CACNA2D3: variants seen among roughly 807,000 people sequenced by gnomAD.
The protein encoded by CACNA2D3 is calcium voltage-gated channel auxiliary subunit alpha2delta 3.
CACNA2D3 carries 60 observed loss-of-function variants against 160.6 expected under a neutral mutation model. The observed-to-expected ratio is 0.37, with a 90% confidence interval of 0.30 to 0.46. The LOEUF (loss-of-function observed/expected upper bound fraction) is 0.46, where lower values mean the gene tolerates loss of function less well. Ranked by LOEUF, CACNA2D3 falls within the 20% of genes least tolerant of loss-of-function variation. The probability of loss-of-function intolerance (pLI) is 1.00; values close to 1 mark genes in which losing one functional copy is unlikely to be tolerated. For synonymous variants in CACNA2D3, 558 were observed against 492.9 expected, an observed-to-expected ratio of 1.13 and a Z score of -1.75; for missense variants, 1,205 against 1,365.0, an observed-to-expected ratio of 0.88 and a Z score of 1.85.
chr3:54,517,918 G>A (rs1275333391), intron 5 of CACNA2D3, among the ~76,000 whole-genome samples: 2 of 152,074 alleles, frequency 1.3e-5, no homozygotes, highest in Non-Finnish European at 2.9e-5. Flanking sequence ...AAGTTGCCCC[G>A]GGCATCCTAC....
At chr3:54,313,967 G>GTGAT (rs1703805443) in intron 2 of CACNA2D3, among the ~76,000 whole-genome samples, 1 of 151,538 alleles carries the variant, frequency 6.6e-6, no homozygotes, top group Non-Finnish European at 1.5e-5. Context: ...TTCTTTAGTG[G>GTGAT]TGATTTGTGA....
intron 8 of CACNA2D3, 74 bp downstream of exon 8, chr3:54,570,178 T>A (rs1702471598): frequency 2.8e-6 from 4 of 1,452,534 alleles, no homozygotes; most frequent in Admixed American, 1.8e-5. Flanking sequence ...TTAACATTGC[T>A]CTCGCTGTTA....
intron 2 of CACNA2D3, among the ~76,000 whole-genome samples, chr3:54,208,471 G>T (rs1228936379): frequency 3.3e-5 from 5 of 152,208 alleles, no homozygotes; most frequent in African/African-American, 1.2e-4. Flanking sequence ...GTTTCCAATA[G>T]CCCTGGGCTG....
chr3:54,524,261 C>G (rs1356397093), intron 5 of CACNA2D3, among the ~76,000 whole-genome samples: 1 of 152,080 alleles, frequency 6.6e-6, no homozygotes, highest in East Asian at 1.9e-4. Flanking sequence ...CTTTGATGCA[C>G]TGGTTATTTA....
At chr3:54,709,224 A>G (rs530748391) in intron 11 of CACNA2D3, among the ~76,000 whole-genome samples, 1 of 152,084 alleles carries the variant, frequency 6.6e-6, no homozygotes, top group East Asian at 1.9e-4. Context: ...CATATTGGCC[A>G]GGCTGGTCTC....
At chr3:54,751,935 C>G (rs1015981675) in intron 11 of CACNA2D3, among the ~76,000 whole-genome samples, 2 of 152,190 alleles carry the variant, frequency 1.3e-5, no homozygotes, top group African/African-American at 4.8e-5. Context: ...GTAGGTCATG[C>G]TTTGTTTCAA....
At chr3:54,925,724 G>A (rs916226914) in intron 27 of CACNA2D3, among the ~76,000 whole-genome samples, 1 of 152,154 alleles carries the variant, frequency 6.6e-6, no homozygotes, top group African/African-American at 2.4e-5. Context: ...TGTGGCTACC[G>A]AGCTCTTGAG....
chr3:54,601,601 C>T (rs1040226527), intron 9 of CACNA2D3, among the ~76,000 whole-genome samples: 9 of 152,036 alleles, frequency 5.9e-5, no homozygotes, highest in Non-Finnish European at 1.3e-4. Flanking sequence ...TAACAAGCTT[C>T]CAAGGGAATC....
intron 18 of CACNA2D3, among the ~76,000 whole-genome samples, chr3:54,873,398 G>T (rs61700396): frequency 0.16 from 24,472 of 151,070 alleles, 4,259 homozygotes; most frequent in African/African-American, 0.44. Context: ...TATTTTTTTT[G>T]TTGTTTGCTT....
intron 27 of CACNA2D3, among the ~76,000 whole-genome samples, chr3:54,913,105 G>T (rs965230474): frequency 6.6e-6 from 1 of 152,010 alleles, no homozygotes; most frequent in Admixed American, 6.6e-5. Flanking sequence ...GTTTTTTTGA[G>T]ATAGGATCTC....
chr3:54,602,795 A>G (rs1450134465), intron 9 of CACNA2D3, among the ~76,000 whole-genome samples: 1 of 152,088 alleles, frequency 6.6e-6, no homozygotes, highest in Non-Finnish European at 1.5e-5. Flanking sequence ...TGTCTTTGTT[A>G]TTTTTTAAAC....
intron 5 of CACNA2D3, among the ~76,000 whole-genome samples, chr3:54,556,528 C>T (rs1397651895): frequency 6.6e-6 from 1 of 152,194 alleles, no homozygotes; most frequent in Non-Finnish European, 1.5e-5. Flanking sequence ...GAATAAATCT[C>T]TGTTGTCTTT....
At position 54,606,727 on chromosome 3, in the gene CACNA2D3, C is replaced by T. The variant is rs148130324; in HGVS notation, c.964-21060C>T. On this transcript the variant is annotated intron_variant, in intron 9 of 37. Coordinates refer to ENST00000474759, the MANE Select transcript of CACNA2D3 (RefSeq NM_018398.3). ...GCAGCCCTGCAAATGTAGCCCTGTG[C>T]GCACACACTGGAGCACTGGATCCCT... Among the ~76,000 whole-genome samples, 8 of 152,246 alleles carry T rather than the reference C, an allele frequency of 5.3e-5. No individual in the cohort carries two copies. In the East Asian group the frequency reaches 5.8e-4, roughly 11 times the overall value.
chr3:54,805,923 A>G (rs1703109738), intron 13 of CACNA2D3, among the ~76,000 whole-genome samples: 1 of 152,216 alleles, frequency 6.6e-6, no homozygotes, highest in Admixed American at 6.5e-5. Context: ...AATGTAATCC[A>G]GCATATAAAC....
At chr3:54,838,756 C>A in intron 16 of CACNA2D3, 108 bp downstream of exon 16, 1 of 813,500 alleles carries the variant, frequency 1.2e-6, no homozygotes, top group Non-Finnish European at 2.1e-6. Context: ...TTTTGCTCAC[C>A]ACTATTACAG....
intron 13 of CACNA2D3, chr3:54,789,930 C>G: frequency 2.0e-6 from 1 of 494,458 alleles, no homozygotes; most frequent in South Asian, 1.5e-5. Flanking sequence ...TTTTGAGATT[C>G]ACCCTCTGTG....
chr3:54,133,280 A>C (rs1381916640), intron 2 of CACNA2D3, among the ~76,000 whole-genome samples: 1 of 152,154 alleles, frequency 6.6e-6, no homozygotes, highest in African/African-American at 2.4e-5. Flanking sequence ...CATCTGCATC[A>C]GTTTTAGAGA....
chr3:54,730,827 C>G (rs1701370335), intron 11 of CACNA2D3, among the ~76,000 whole-genome samples: 1 of 152,158 alleles, frequency 6.6e-6, no homozygotes, highest in South Asian at 2.1e-4. Context: ...TAACATAGCA[C>G]AGTGAGTATG....
At chr3:54,708,269 G>T (rs1376318731) in intron 11 of CACNA2D3, among the ~76,000 whole-genome samples, 1 of 152,162 alleles carries the variant, frequency 6.6e-6, no homozygotes, top group African/African-American at 2.4e-5. Context: ...GGTATCACAT[G>T]ATATATACAA....
Sources: allele counts gnomAD v4.1 joint callset (sites outside exome capture counted in the v4.1 genomes callset), GRCh38; gene constraint gnomAD v4.1.1; transcripts MANE v1.5; gene names NCBI Gene and HGNC (gene_info 2026-07-23, HGNC 2026-07-21).